C12orf42: variants seen among roughly 807,000 people sequenced by gnomAD.
C12orf42 encodes the protein chromosome 12 open reading frame 42.
Under a neutral mutation model 21.6 loss-of-function variants are expected in C12orf42, and 25 were observed. The ratio of observed to expected loss-of-function variants is 1.16; its 90% CI spans 0.84 to 1.62. The LOEUF (loss-of-function observed/expected upper bound fraction) is 1.62. C12orf42 is among the 40% of genes most tolerant of loss of function. C12orf42 has a pLI of 0.00. For missense variants in C12orf42, 483 were observed against 459.3 expected, an observed-to-expected ratio of 1.05 and a Z score of -0.47; for synonymous variants, 174 against 175.0, an observed-to-expected ratio of 0.99 and a Z score of 0.05.
chr12:103,095,016 G>T, the C12orf42 span, among the ~76,000 whole-genome samples: 1 of 152,164 alleles, frequency 6.6e-6, no homozygotes, highest in Non-Finnish European at 1.5e-5. Flanking sequence ...AAATCTTGGG[G>T]TGATTTCGAC....
intron 4 of C12orf42, among the ~76,000 whole-genome samples, chr12:103,310,927 C>T (rs753869591): frequency 7.2e-5 from 11 of 152,192 alleles, no homozygotes; most frequent in Non-Finnish European, 1.3e-4. Flanking sequence ...CAATAGCATT[C>T]TATCTGCCCT....
chr12:103,425,148 T>A (rs928443032), intron 2 of C12orf42, among the ~76,000 whole-genome samples: 1 of 151,920 alleles, frequency 6.6e-6, no homozygotes, highest in East Asian at 1.9e-4. Context: ...TCCTCACCTC[T>A]GGGTAGGGAA....
the C12orf42 span, among the ~76,000 whole-genome samples, chr12:103,515,693 T>C: frequency 6.6e-6 from 1 of 152,218 alleles, no homozygotes; most frequent in Non-Finnish European, 1.5e-5. Flanking sequence ...TCAAACTGTC[T>C]ACTTTCAAAT....
chr12:103,053,793 T>C, the C12orf42 span, among the ~76,000 whole-genome samples: 1 of 152,092 alleles, frequency 6.6e-6, no homozygotes. Context: ...GAGACTTAGA[T>C]TGATTTTTAC....
At chr12:103,166,065 G>GAA in the C12orf42 span, among the ~76,000 whole-genome samples, 1 of 150,008 alleles carries the variant, frequency 6.7e-6, no homozygotes. Flanking sequence ...AAAAAAGAAA[G>GAA]AGAGAGAGAG....
At chr12:103,441,336 G>C (rs1480549662) in intron 2 of C12orf42, 4 of 152,126 alleles carry the variant, frequency 2.6e-5, no homozygotes, top group Non-Finnish European at 5.9e-5. Flanking sequence ...TTGCAAAAAT[G>C]GTTGAAATAT....
At chr12:103,524,965 G>T in the C12orf42 span, among the ~76,000 whole-genome samples, 173 of 151,204 alleles carry the variant, frequency 1.1e-3, 1 homozygote, top group African/African-American at 3.5e-3. Context: ...GTTTTTTTGG[G>T]GGGGGGGCAG....
the C12orf42 span, among the ~76,000 whole-genome samples, chr12:103,511,092 A>C: frequency 1.3e-5 from 2 of 152,232 alleles, no homozygotes; most frequent in Non-Finnish European, 2.9e-5. Flanking sequence ...TAAAACCTCC[A>C]AGAAAAAATG....
At chr12:103,435,351 C>T (rs539735675) in intron 2 of C12orf42, among the ~76,000 whole-genome samples, 6 of 152,358 alleles carry the variant, frequency 3.9e-5, no homozygotes, top group African/African-American at 1.4e-4. Context: ...TGCCTCTCCT[C>T]CTCCAAAGGA....
the C12orf42 span, among the ~76,000 whole-genome samples, chr12:103,510,506 A>G: frequency 2.0e-5 from 3 of 152,170 alleles, no homozygotes; most frequent in African/African-American, 7.2e-5. Flanking sequence ...AAACCTATAG[A>G]AATAAAAAAT....
chr12:103,467,175 A>G (rs1031639066), intron 2 of C12orf42, among the ~76,000 whole-genome samples: 2 of 152,238 alleles, frequency 1.3e-5, no homozygotes, highest in Non-Finnish European at 2.9e-5. Context: ...CTCTGTGGAT[A>G]TCACTGATGA....
At chr12:103,467,289 A>T (rs1022703398) in intron 2 of C12orf42, among the ~76,000 whole-genome samples, 3 of 152,216 alleles carry the variant, frequency 2.0e-5, no homozygotes, top group African/African-American at 7.2e-5. Context: ...TAACCATTGT[A>T]TATTGCAACT....
chr12:103,530,679 G>A, the C12orf42 span, among the ~76,000 whole-genome samples: 10 of 152,282 alleles, frequency 6.6e-5, no homozygotes, highest in South Asian at 2.1e-3. Flanking sequence ...AGATGGGGGA[G>A]GTGAGGGGTG....
intron 4 of C12orf42, among the ~76,000 whole-genome samples, chr12:103,283,460 A>G (rs1232828633): frequency 1.3e-5 from 2 of 152,208 alleles, no homozygotes; most frequent in Non-Finnish European, 1.5e-5. Context: ...GAAAATAAAA[A>G]TCCTTAACAA....
chr12:103,494,367 C>T (rs986764674), intron 1 of C12orf42, among the ~76,000 whole-genome samples: 1 of 152,216 alleles, frequency 6.6e-6, no homozygotes, highest in African/African-American at 2.4e-5. Context: ...TACGCCTGTA[C>T]AACAGCCACA....
chr12:103,350,445 A>G (rs1003215178), intron 4 of C12orf42, among the ~76,000 whole-genome samples: 1 of 152,186 alleles, frequency 6.6e-6, no homozygotes, highest in Admixed American at 6.5e-5. Flanking sequence ...TGTTTTAGTT[A>G]ATAATGGCAC....
chr12:103,496,526 C>T (rs1201669124), upstream of C12orf42, among the ~76,000 whole-genome samples: 1 of 152,194 alleles, frequency 6.6e-6, no homozygotes, highest in Non-Finnish European at 1.5e-5. Context: ...GCTGTGCCAA[C>T]AAAGGTCGTT....
the C12orf42 span, among the ~76,000 whole-genome samples, chr12:103,152,457 C>T: frequency 6.6e-6 from 1 of 152,002 alleles, no homozygotes; most frequent in Non-Finnish European, 1.5e-5. Context: ...CCACTCATTA[C>T]GGTACTGGCC....
chr12:103,143,948 C>A, the C12orf42 span, among the ~76,000 whole-genome samples: 1 of 152,134 alleles, frequency 6.6e-6, no homozygotes, highest in African/African-American at 2.4e-5. Flanking sequence ...TGCTGCTAAT[C>A]ATCATTATTA....
Sources: gnomAD v4.1 joint callset for allele counts (sites outside exome capture counted in the v4.1 genomes callset) on GRCh38, gnomAD v4.1.1 for gene constraint, MANE v1.5 for transcripts, NCBI Gene and HGNC (gene_info 2026-07-23, HGNC 2026-07-21) for gene names.